Variants in TBC1D5 observed in about 807,000 individuals in gnomAD.
TBC1D5 encodes the protein TBC1 domain family, member 5.
Under a neutral mutation model 100.3 loss-of-function variants are expected in TBC1D5, and 75 were observed. That is an observed-to-expected ratio of 0.75 (90% CI 0.62 to 0.91). The LOEUF (loss-of-function observed/expected upper bound fraction) is 0.91. Ranked by LOEUF, TBC1D5 falls within the 40% of genes least tolerant of loss-of-function variation. TBC1D5 has a pLI of 0.00. For synonymous variants in TBC1D5, 323 were observed against 325.6 expected, an observed-to-expected ratio of 0.99 and a Z score of 0.09; for missense variants, 910 against 942.4, an observed-to-expected ratio of 0.97 and a Z score of 0.45.
chr3:17,602,190 G>A (rs1305241601), intron 2 of TBC1D5, among the ~76,000 whole-genome samples: 8 of 152,114 alleles, frequency 5.3e-5, no homozygotes, highest in Non-Finnish European at 2.9e-5. Context: ...TATACAACAC[G>A]ACAATGCCTT....
At chr3:17,597,291 T>C (rs1478789749) in intron 2 of TBC1D5, among the ~76,000 whole-genome samples, 1 of 152,172 alleles carries the variant, frequency 6.6e-6, no homozygotes, top group Non-Finnish European at 1.5e-5. Flanking sequence ...TATTGAGTGC[T>C]TACTATGATA....
chr3:17,334,153 C>T (rs956938224), intron 13 of TBC1D5, among the ~76,000 whole-genome samples: 24 of 151,864 alleles, frequency 1.6e-4, no homozygotes, highest in Non-Finnish European at 3.2e-4. Context: ...GTGGTGTGGT[C>T]GCTGGAAATA....
intron 1 of TBC1D5, among the ~76,000 whole-genome samples, chr3:17,658,670 T>A (rs931113399): frequency 2.0e-5 from 3 of 152,178 alleles, no homozygotes; most frequent in African/African-American, 7.2e-5. Flanking sequence ...TTATAGCTTT[T>A]TTTTTAGACA....
At chr3:17,674,743 T>C (rs1407339603) in intron 1 of TBC1D5, among the ~76,000 whole-genome samples, 3 of 152,080 alleles carry the variant, frequency 2.0e-5, no homozygotes, top group Non-Finnish European at 4.4e-5. Context: ...AGATTCAATA[T>C]AACATAGAAA....
chr3:17,512,719 A>G (rs1257860616), intron 2 of TBC1D5, among the ~76,000 whole-genome samples: 1 of 152,196 alleles, frequency 6.6e-6, no homozygotes, highest in Non-Finnish European at 1.5e-5. Context: ...GTAAATAACA[A>G]TTTCTCCTAT....
intron 17 of TBC1D5, among the ~76,000 whole-genome samples, chr3:17,224,265 T>C (rs1559442739): frequency 6.6e-6 from 1 of 152,220 alleles, no homozygotes; most frequent in Non-Finnish European, 1.5e-5. Context: ...GGAGCTACCA[T>C]AAATGTTTGC....
intron 8 of TBC1D5, among the ~76,000 whole-genome samples, chr3:17,386,915 G>GC (rs1559776214): frequency 6.6e-6 from 1 of 152,180 alleles, no homozygotes; most frequent in East Asian, 1.9e-4. Context: ...GAATTCAATT[G>GC]CAAGTAGTAA....
chr3:17,459,459 C>T (rs1039658221), intron 3 of TBC1D5, among the ~76,000 whole-genome samples: 3 of 152,200 alleles, frequency 2.0e-5, no homozygotes, highest in South Asian at 2.1e-4. Context: ...TGGCTGTGAC[C>T]GGTTCCTAAC....
intron 17 of TBC1D5, 56 bp from the exon 18 acceptor site, chr3:17,233,806 A>C (rs2075635850): frequency 1.7e-6 from 2 of 1,164,358 alleles, no homozygotes; most frequent in Admixed American, 4.5e-5. Flanking sequence ...AATCAACTTC[A>C]CTTTTCTTTT....
chr3:17,274,652 G>A (rs2079790871), intron 15 of TBC1D5, among the ~76,000 whole-genome samples: 1 of 151,998 alleles, frequency 6.6e-6, no homozygotes, highest in Admixed American at 6.6e-5. Context: ...TTCCCACCTG[G>A]TGCTGTTCCT....
intron 1 of TBC1D5, among the ~76,000 whole-genome samples, chr3:17,675,745 T>C (rs1037504045): frequency 1.4e-5 from 2 of 143,234 alleles, no homozygotes; most frequent in Non-Finnish European, 3.2e-5. Flanking sequence ...GTGACAAAGA[T>C]TTTTTTAACC....
At chr3:17,442,347 C>T (rs2094682347) in intron 3 of TBC1D5, among the ~76,000 whole-genome samples, 2 of 152,184 alleles carry the variant, frequency 1.3e-5, no homozygotes, top group Admixed American at 1.3e-4. Context: ...AATAAGGCTA[C>T]CCTTTTGATA....
chr3:17,209,938 G>T (rs372296822), intron 18 of TBC1D5, among the ~76,000 whole-genome samples: 1 of 151,968 alleles, frequency 6.6e-6, no homozygotes, highest in African/African-American at 2.4e-5. Flanking sequence ...TATAGTCTTC[G>T]GATCTACAAA....
intron 2 of TBC1D5, among the ~76,000 whole-genome samples, chr3:17,556,924 C>T (rs1184098554): frequency 1.3e-5 from 2 of 152,172 alleles, no homozygotes; most frequent in Non-Finnish European, 2.9e-5. Flanking sequence ...ATTTAAGACA[C>T]TGGCAAACAC....
intron 2 of TBC1D5, among the ~76,000 whole-genome samples, chr3:17,608,525 T>C (rs2061480610): frequency 6.6e-6 from 1 of 152,220 alleles, no homozygotes; most frequent in Non-Finnish European, 1.5e-5. Context: ...TTAGTATGTC[T>C]GCTTTCCCTA....
intron 3 of TBC1D5, among the ~76,000 whole-genome samples, chr3:17,474,844 T>C (rs545990651): frequency 6.6e-6 from 1 of 152,242 alleles, no homozygotes. Flanking sequence ...CCAATCTATA[T>C]TGCCACAAAA....
chr3:17,398,969 AC>A (rs2093579065), intron 8 of TBC1D5, among the ~76,000 whole-genome samples: 2 of 152,142 alleles, frequency 1.3e-5, no homozygotes, highest in South Asian at 2.1e-4. Context: ...AATTGCCAAG[AC>A]TGGAAAATGT....
chr3:17,301,261 T>C (rs1282847689), intron 14 of TBC1D5, among the ~76,000 whole-genome samples: 1 of 152,212 alleles, frequency 6.6e-6, no homozygotes, highest in Non-Finnish European at 1.5e-5. Context: ...TGTTTTTTGA[T>C]ACTAGTCAAA....
intron 3 of TBC1D5, among the ~76,000 whole-genome samples, chr3:17,478,432 C>A (rs1185520455): frequency 6.6e-6 from 1 of 152,122 alleles, no homozygotes; most frequent in East Asian, 1.9e-4. Context: ...GTCTTCTAAT[C>A]CATGAACATG....
Sources: gnomAD v4.1 joint callset for allele counts (sites outside exome capture counted in the v4.1 genomes callset) on GRCh38, gnomAD v4.1.1 for gene constraint, MANE v1.5 for transcripts, NCBI Gene and HGNC (gene_info 2026-07-23, HGNC 2026-07-21) for gene names.